FGFR2: variants seen among roughly 807,000 people sequenced by gnomAD.
The protein encoded by FGFR2 is fibroblast growth factor receptor 2.
Under a neutral mutation model 95.9 loss-of-function variants are expected in FGFR2, and 19 were observed. That is an observed-to-expected ratio of 0.20 (90% CI 0.14 to 0.29). The LOEUF is 0.29. FGFR2 is among the 10% of genes least tolerant of loss of function. The pLI is 1.00. For synonymous variants in FGFR2, 392 were observed against 393.3 expected, an observed-to-expected ratio of 1.00 and a Z score of 0.04; for missense variants, 707 against 1,056.9, an observed-to-expected ratio of 0.67 and a Z score of 4.59.
Position 121,569,466 on chromosome 10 carries a change from C to T in FGFR2, c.110-3762G>A, listed in dbSNP as rs547959397. Reference sequence around the variant, plus strand: ...TGAACTCCTGACCTCGTGATCTGCCCGCCTCGGCCTCCCAAAGTGCTGGGA... The same window carrying T: ...TGAACTCCTGACCTCGTGATCTGCCTGCCTCGGCCTCCCAAAGTGCTGGGA... On this transcript the variant is annotated intron_variant, in intron 2 of 17. Transcript: ENST00000358487. Among the ~76,000 whole-genome samples, 3 of 152,206 alleles carry T rather than the reference C, an allele frequency of 2.0e-5. No homozygotes were observed. In the South Asian group the frequency reaches 6.2e-4, roughly 32 times the overall value.
chr10:121,497,831 G>A lies in FGFR2; in HGVS notation c.1672+664C>T, dbSNP rs41293751. Among the ~76,000 whole-genome samples the A allele has an allele frequency of 5.5e-3, 840 of 152,118 alleles. 8 individuals carry two copies. The highest frequency in any genetic ancestry group is 0.019 in the African/African-American group (793 of 41,478). On this transcript the variant is annotated intron_variant, in intron 12 of 17. Coordinates refer to ENST00000358487, the MANE Select transcript of FGFR2 (RefSeq NM_000141.5). ...CGAGAAGTTGCGACAAAGACCATAC[G>A]GCCCACAAAAGTCTAAAATATCTAC...
At chr10:121,500,995 G>A (rs905999985) in intron 10 of FGFR2, 48 bp from the exon 11 acceptor site, 2 of 1,610,094 alleles carry the variant, frequency 1.2e-6, no homozygotes, top group Non-Finnish European at 1.7e-6. Context: ...GTGATGGGGT[G>A]TAGTGAGGGA....
intron 9 of FGFR2, among the ~76,000 whole-genome samples, chr10:121,505,345 T>C (rs1848130754): frequency 6.6e-6 from 1 of 152,228 alleles, no homozygotes; most frequent in African/African-American, 2.4e-5. Flanking sequence ...ATTTTTCACA[T>C]AGAATTCCTA....
chr10:121,573,095 C>A (rs1478326769), intron 2 of FGFR2, among the ~76,000 whole-genome samples: 1 of 152,212 alleles, frequency 6.6e-6, no homozygotes, highest in Non-Finnish European at 1.5e-5. Context: ...CTTTACGTTG[C>A]CAAACCAGCG....
At chr10:121,566,973 C>T (rs1857766784) in intron 2 of FGFR2, among the ~76,000 whole-genome samples, 2 of 152,204 alleles carry the variant, frequency 1.3e-5, no homozygotes, top group South Asian at 4.1e-4. Context: ...GCTGGGATGG[C>T]CACGAGGGCC....
At chr10:121,555,212 A>G (rs1408593115) in intron 4 of FGFR2, among the ~76,000 whole-genome samples, 1 of 152,174 alleles carries the variant, frequency 6.6e-6, no homozygotes, top group East Asian at 1.9e-4. Flanking sequence ...GTCTCCACTA[A>G]AAATGCAAAA....
intron 2 of FGFR2, among the ~76,000 whole-genome samples, chr10:121,580,748 C>G (rs1035906704): frequency 6.6e-6 from 1 of 152,172 alleles, no homozygotes; most frequent in Non-Finnish European, 1.5e-5. Flanking sequence ...GGACATTCCA[C>G]GTTAAGAGCC....
At chr10:121,537,450 T>C (rs1054666611) in intron 6 of FGFR2, among the ~76,000 whole-genome samples, 1 of 152,226 alleles carries the variant, frequency 6.6e-6, no homozygotes, top group Non-Finnish European at 1.5e-5. Flanking sequence ...ATCAAGCTTT[T>C]GGATTATTTT....
chr10:121,577,322 C>A (rs887089344), intron 2 of FGFR2, among the ~76,000 whole-genome samples: 1 of 149,142 alleles, frequency 6.7e-6, no homozygotes, highest in Admixed American at 6.7e-5. Context: ...AGAAGGCACC[C>A]AGCACAATGT....
chr10:121,496,385 A>T lies in FGFR2; in HGVS notation c.1863+147T>A, dbSNP rs546292975. On this transcript the variant is annotated intron_variant, in intron 13 of 17. Coordinates refer to ENST00000358487, the MANE Select transcript of FGFR2 (RefSeq NM_000141.5). ...GGTTTTAAACAGTTCATTAAACTCA[A>T]ATGGGAATAACGCAATAAATATTTT... 1.7e-4 allele frequency: 145 copies of T among 872,174 alleles called. 1 individual carries two copies. In the South Asian group the frequency reaches 1.9e-3, roughly 12 times the overall value. The allele number at this position is 872,174 out of a possible 1,614,324, so 54.0% of individuals were successfully genotyped here. A position where few individuals can be genotyped will look rare whatever the true frequency, so the allele number is the denominator to read the frequency against.
chr10:121,546,061 C>T lies in FGFR2; in HGVS notation c.624+5229G>A, dbSNP rs962089840. ...CCCCCTATGCCTAAATAATTACCTACGAAGGAGGTGAGAATTGAGGTGGTC... is the reference window on the plus strand; with the variant it reads ...CCCCCTATGCCTAAATAATTACCTATGAAGGAGGTGAGAATTGAGGTGGTC... On this transcript the variant is annotated intron_variant, in intron 5 of 17. Transcript: ENST00000358487. Among the ~76,000 whole-genome samples, 10 of 151,932 alleles carry T rather than the reference C, an allele frequency of 6.6e-5. No individual in the cohort carries two copies. The East Asian group carries it at 7.7e-4, about 12-fold the overall frequency.
At chr10:121,527,123 CAG>C (rs1357418214) in intron 6 of FGFR2, among the ~76,000 whole-genome samples, 1 of 152,190 alleles carries the variant, frequency 6.6e-6, no homozygotes, top group African/African-American at 2.4e-5. Flanking sequence ...TGGCTGGGCT[CAG>C]GGCCTGGGAA....
Position 121,560,811 on chromosome 10 carries a change from G to A in FGFR2, c.454+3691C>T, listed in dbSNP as rs575461529. ...GCTCCCATTCAGGGCAGACCTCCAC[G>A]TGCAAATTCTAAGCCAGTGGTTCTC... On this transcript the variant is annotated intron_variant, in intron 4 of 17. Coordinates refer to ENST00000358487, the MANE Select transcript of FGFR2 (RefSeq NM_000141.5). 5.9e-5 allele frequency among the ~76,000 whole-genome samples: 9 copies of A among 152,148 alleles called. No homozygotes were observed. The South Asian group carries it at 1.0e-3, about 18-fold the overall frequency.
rs1849904555 is a variant in FGFR2 at position 121,517,890 on chromosome 10, C to T, written c.940-427G>A. 6.6e-6 allele frequency among the ~76,000 whole-genome samples: 1 copy of T among 152,046 alleles called. No homozygotes were observed. Among genetic ancestry groups the T allele is most frequent in the African/African-American group, 2.4e-5 (1 of 41,404 alleles). On this transcript the variant is annotated intron_variant, in intron 7 of 17. Coordinates refer to ENST00000358487, the MANE Select transcript of FGFR2 (RefSeq NM_000141.5). The surrounding 1 kb of genome is among the most constrained non-coding windows in gnomAD (Gnocchi z 4.7). ...CTGTGTTTTAAGACAACACACTGCA[C>T]ATAAGCCCAGATGGACACCTCACCC...
intron 2 of FGFR2, among the ~76,000 whole-genome samples, chr10:121,568,055 TTGAG>T (rs1391669047): frequency 1.3e-5 from 2 of 152,104 alleles, no homozygotes; most frequent in African/African-American, 4.8e-5. Context: ...TGCGGCTGAA[TTGAG>T]TGACTAATAG....
At chr10:121,520,288 G>T in intron 6 of FGFR2, 119 bp from the exon 7 acceptor site, 1 of 1,021,594 alleles carries the variant, frequency 9.8e-7, no homozygotes, top group Non-Finnish European at 1.4e-6. Flanking sequence ...AAGCCTGCTG[G>T]CTGACACCTT....
intron 12 of FGFR2, 107 bp downstream of exon 12, chr10:121,498,388 T>C (rs1847154296): frequency 1.3e-6 from 1 of 777,158 alleles, no homozygotes; most frequent in Non-Finnish European, 2.3e-6. Context: ...ACTTTAAACA[T>C]GCACACAGGG....
chr10:121,562,244 C>G (rs1490127944), intron 4 of FGFR2, among the ~76,000 whole-genome samples: 1 of 149,090 alleles, frequency 6.7e-6, no homozygotes, highest in East Asian at 1.9e-4. Flanking sequence ...TCTGTAGCAG[C>G]TTTATTTGCA....
chr10:121,538,119 A>C, intron 6 of FGFR2: 1 of 570,738 alleles, frequency 1.8e-6, no homozygotes, highest in Non-Finnish European at 3.1e-6. Context: ...CTTGTGATGG[A>C]AGTGAAGGGC....
Sources: allele counts gnomAD v4.1 joint callset (sites outside exome capture counted in the v4.1 genomes callset), GRCh38; gene constraint gnomAD v4.1.1; non-coding constraint Gnocchi (gnomAD v3.1); transcripts MANE v1.5; gene names NCBI Gene and HGNC (gene_info 2026-07-23, HGNC 2026-07-21).